The following PTPRU variants were observed in gnomAD, a reference collection of about 807,000 sequenced individuals.
PTPRU encodes the protein receptor-type tyrosine-protein phosphatase U.
Under a neutral mutation model 166.3 loss-of-function variants are expected in PTPRU, and 69 were observed. The ratio of observed to expected loss-of-function variants is 0.41; its 90% CI spans 0.34 to 0.51. The LOEUF is 0.51. Among genes scored for constraint, PTPRU ranks in the 20% least tolerant of loss-of-function variants. The pLI is 0.09. For synonymous variants in PTPRU, 793 were observed against 814.0 expected, an observed-to-expected ratio of 0.97 and a Z score of 0.44; for missense variants, 1,657 against 2,013.7, an observed-to-expected ratio of 0.82 and a Z score of 3.39.
At position 29,260,114 on chromosome 1, in the gene PTPRU, C is replaced by CGCGGGGGGGGG; in HGVS notation, c.850+70_850+71insGCGGGGGGGGG. The CGCGGGGGGGGG allele has an allele frequency of 7.8e-7, 1 of 1,281,978 alleles. No homozygotes were observed. Among genetic ancestry groups the CGCGGGGGGGGG allele is most frequent in the Non-Finnish European group, 1.0e-6 (1 of 1,002,650 alleles). 79.4% of individuals were successfully genotyped at this position (1,281,978 alleles called of 1,614,324 possible). ...GGGCGGGGCCGGCGACGGGGGCGGG[C>CGCGGGGGGGGG]TCTGCCCGGGGGCGTGGCCGTGGGG... On this transcript the variant is annotated intron_variant, in intron 6 of 29. Coordinates refer to ENST00000373779, the MANE Select transcript of PTPRU (RefSeq NM_133178.4). The surrounding 1 kb of genome is among the most constrained non-coding windows in gnomAD (Gnocchi z 8.3).
At chr1:29,310,268 AAG>A (rs1687586669) in intron 18 of PTPRU, among the ~76,000 whole-genome samples, 3 of 152,168 alleles carry the variant, frequency 2.0e-5, no homozygotes. Context: ...ACTGAGGAGT[AAG>A]GGGGAGGGGT....
At position 29,317,845 on chromosome 1, in the gene PTPRU, C is replaced by T. The variant is rs1472676297; in HGVS notation, c.3611C>T (p.Pro1204Leu). The change falls in exon 25 of 30, where the codon CCG becomes CTG. Residue 1204 changes from proline (P) to leucine (L), a missense_variant. Physicochemically the swap from Pro to Leu is moderately conservative, Grantham distance 98. Around this residue, in one of 3 missense-constraint regions of PTPRU, gnomAD observed 1,190 missense variants for 1,477.4 expected, o/e 0.81. Coordinates refer to ENST00000373779, the MANE Select transcript of PTPRU (RefSeq NM_133178.4). The surrounding 1 kb of genome is among the most constrained non-coding windows in gnomAD (Gnocchi z 5.6). ...AAGAACCGCAGCATGGACGTCCTGC[C>T]GCCCGACCGCTGCCTGCCCTTCCTC... The part of the protein sequence containing the change: ...RDKNRSMDVL[P>L]PDRCLPFLIS... The T allele has an allele frequency of 5.0e-6, 8 of 1,613,938 alleles. No individual in the cohort carries two copies. The highest frequency in any genetic ancestry group is 5.9e-6 in the Non-Finnish European group (7 of 1,180,026).
chr1:29,297,744 G>T (rs544163051), intron 15 of PTPRU, among the ~76,000 whole-genome samples: 18 of 152,192 alleles, frequency 1.2e-4, no homozygotes, highest in Non-Finnish European at 2.5e-4. Context: ...AGGAAACATG[G>T]GCTCTGCTCC....
In PTPRU at chr1:29,260,606, G is replaced by A. The variant is rs763035144; in HGVS notation, c.851-4G>A. The A allele has an allele frequency of 2.7e-6, 4 of 1,486,640 alleles. No homozygotes were observed. Among genetic ancestry groups the A allele is most frequent in the East Asian group, 2.5e-5 (1 of 39,694 alleles). 92.1% of individuals were successfully genotyped at this position (1,486,640 alleles called of 1,614,324 possible). A position where few individuals can be genotyped will look rare whatever the true frequency, so the allele number is the denominator to read the frequency against. ...CGCCTCGCCTCTCCCCCATCTCCTC[G>A]CAGAGCCCCCAACTCCCATCGCGCC... is the stretch of plus-strand genomic sequence containing the variant. On this transcript the variant is annotated splice_region_variant and splice_polypyrimidine_tract_variant and intron_variant, in intron 6 of 29. Coordinates refer to ENST00000373779, the MANE Select transcript of PTPRU (RefSeq NM_133178.4). The surrounding 1 kb of genome is among the most constrained non-coding windows in gnomAD (Gnocchi z 8.3).
rs1339606014 is a variant in PTPRU, at chr1:29,274,086, A to G, written c.1145-1362A>G. On this transcript the variant is annotated intron_variant, in intron 7 of 29. Coordinates refer to ENST00000373779, the MANE Select transcript of PTPRU (RefSeq NM_133178.4). ...CGCTCTGTTGCCCAGGCTAGAGTGC[A>G]GTGGCACAATCTCAGCTTACCGCAA... 3.3e-5 allele frequency among the ~76,000 whole-genome samples: 5 copies of G among 152,198 alleles called. 1 individual carries two copies. The highest frequency in any genetic ancestry group is 9.7e-5 in the African/African-American group (4 of 41,450).
Position 29,260,232 on chromosome 1 carries a change from T to C in PTPRU, c.850+188T>C. The C allele has an allele frequency of 1.5e-6, 1 of 665,538 alleles. No individual in the cohort carries two copies. 41.2% of individuals were successfully genotyped at this position (665,538 alleles called of 1,614,324 possible). ...GCCGGGATGAGATCTGATCTAGGGGTCGGGGCTGGCTTCGAGGGGGACGGA... is the reference window on the plus strand; with the variant it reads ...GCCGGGATGAGATCTGATCTAGGGGCCGGGGCTGGCTTCGAGGGGGACGGA... On this transcript the variant is annotated intron_variant, in intron 6 of 29. Coordinates refer to ENST00000373779, the MANE Select transcript of PTPRU (RefSeq NM_133178.4). The surrounding 1 kb of genome is among the most constrained non-coding windows in gnomAD (Gnocchi z 8.3).
rs1433860634 is a variant in PTPRU at position 29,292,038 on chromosome 1, G to C, written c.2476+12G>C. On this transcript the variant is annotated intron_variant, in intron 15 of 29. Coordinates refer to ENST00000373779, the MANE Select transcript of PTPRU (RefSeq NM_133178.4). ...CTACAGCACCCGGGGTGAGTGCCCGGCCCTCCTACCCCTTCTTCATGGCTC... is the reference window on the plus strand; with the variant it reads ...CTACAGCACCCGGGGTGAGTGCCCGCCCCTCCTACCCCTTCTTCATGGCTC... The C allele has an allele frequency of 2.5e-6, 4 of 1,613,624 alleles. No homozygotes were observed. In the East Asian group the frequency reaches 8.9e-5, roughly 36 times the overall value.
intron 14 of PTPRU, among the ~76,000 whole-genome samples, chr1:29,285,619 G>A (rs1385164789): frequency 6.6e-6 from 1 of 152,246 alleles, no homozygotes; most frequent in African/African-American, 2.4e-5. Flanking sequence ...TAGAGGCTCA[G>A]AGCCCCAGAA....
chr1:29,317,573 A>G lies in PTPRU; in HGVS notation c.3514-175A>G, dbSNP rs1687953977. 6.6e-6 allele frequency among the ~76,000 whole-genome samples: 1 copy of G among 152,196 alleles called. No individual in the cohort carries two copies. The highest frequency in any genetic ancestry group is 1.5e-5 in the Non-Finnish European group (1 of 68,028). The stretch of plus-strand genomic sequence containing the variant: ...GTCTCTAGAGCTCTATCCAGGCCCT[A>G]TAATGGCCTAGAGACAGGGAGTCTG... On this transcript the variant is annotated intron_variant, in intron 24 of 29. Coordinates refer to ENST00000373779, the MANE Select transcript of PTPRU (RefSeq NM_133178.4). The surrounding 1 kb of genome is among the most constrained non-coding windows in gnomAD (Gnocchi z 5.6).
chr1:29,256,354 C>T (rs991775789), intron 2 of PTPRU, among the ~76,000 whole-genome samples: 1 of 152,184 alleles, frequency 6.6e-6, no homozygotes, highest in Non-Finnish European at 1.5e-5. Flanking sequence ...GAGGACAAAT[C>T]AAATGGGCTT....
chr1:29,246,300 CT>C (rs1225489306), intron 1 of PTPRU, among the ~76,000 whole-genome samples: 1 of 152,242 alleles, frequency 6.6e-6, no homozygotes, highest in Non-Finnish European at 1.5e-5. Context: ...GGCTGGCGTC[CT>C]TTTCCAGGTT....
chr1:29,258,429 C>T (rs1684867181), intron 2 of PTPRU, 76 bp from the exon 3 acceptor site: 3 of 1,499,632 alleles, frequency 2.0e-6, no homozygotes, highest in Non-Finnish European at 2.7e-6. Flanking sequence ...GAGTCCTCCT[C>T]AGTGCTCCCC....
intron 18 of PTPRU, among the ~76,000 whole-genome samples, chr1:29,307,888 G>C (rs1263543009): frequency 6.7e-6 from 1 of 149,880 alleles, no homozygotes; most frequent in Non-Finnish European, 1.5e-5. Flanking sequence ...AGCCTCCCAA[G>C]TAGCTGGAAT....
chr1:29,247,910 C>T (rs980073123), intron 1 of PTPRU, among the ~76,000 whole-genome samples: 2 of 152,180 alleles, frequency 1.3e-5, no homozygotes, highest in Non-Finnish European at 2.9e-5. Flanking sequence ...CAGCCCTGGG[C>T]GATCTTTCTG....
Position 29,325,178 on chromosome 1 carries a change from A to C in PTPRU, c.4113-13A>C, listed in dbSNP as rs1463618490. ...CAAGGCCCCGCCCCTCAGCTTTTGCATCTCTCATTCAGAAACGGGGGAGGA... is the reference window on the plus strand; with the variant it reads ...CAAGGCCCCGCCCCTCAGCTTTTGCCTCTCTCATTCAGAAACGGGGGAGGA... On this transcript the variant is annotated splice_polypyrimidine_tract_variant and intron_variant, in intron 28 of 29. Coordinates refer to ENST00000373779, the MANE Select transcript of PTPRU (RefSeq NM_133178.4). The C allele has an allele frequency of 6.2e-7, 1 of 1,613,622 alleles. No individual in the cohort carries two copies. The highest frequency in any genetic ancestry group is 8.5e-7 in the Non-Finnish European group (1 of 1,179,930).
In PTPRU at chr1:29,275,455, G is replaced by A. The variant is rs567419585; in HGVS notation, c.1152G>A (p.Met384Ile). The A allele has an allele frequency of 4.3e-6, 7 of 1,612,654 alleles. No homozygotes were observed. In the African/African-American group the frequency reaches 8.0e-5, roughly 18 times the overall value. ...LISRTKCAEP[M>I]RAPKGLAFAE... ...GCTTCCTGCATTCTCCAGAGCCCAT[G>A]AGGGCCCCCAAAGGCCTGGCTTTTG... The change falls in exon 8 of 30, where the codon ATG becomes ATA. Residue 384 changes from methionine to isoleucine, a missense_variant. By Grantham distance (10) the Met-to-Ile change is conservative. Around this residue, in one of 3 missense-constraint regions of PTPRU, gnomAD observed 1,190 missense variants for 1,477.4 expected, o/e 0.81. Coordinates refer to ENST00000373779, the MANE Select transcript of PTPRU (RefSeq NM_133178.4).
chr1:29,317,678 T>G lies in PTPRU; in HGVS notation c.3514-70T>G. On this transcript the variant is annotated intron_variant, in intron 24 of 29. Transcript: ENST00000373779. This position sits in a 1 kb window ranked among gnomAD's most constrained non-coding sequence, Gnocchi z 5.6. ...GGATTAGTAACTCAGTCCAGCCTCC[T>G]TCATGGGGATGTGAGGAGGCCCAGC... 6.8e-7 allele frequency: 1 copy of G among 1,476,312 alleles called. No homozygotes were observed. Among genetic ancestry groups the G allele is most frequent in the East Asian group, 2.3e-5 (1 of 44,024 alleles). The allele number at this position is 1,476,312 out of a possible 1,614,324, so 91.5% of individuals were successfully genotyped here.
chr1:29,312,746 C>T (rs1401578319), intron 22 of PTPRU, 40 bp downstream of exon 22: 1 of 1,573,818 alleles, frequency 6.4e-7, no homozygotes, highest in Non-Finnish European at 8.7e-7. Flanking sequence ...AGGGGCCCTT[C>T]TCCCTGGGAA....
At position 29,326,054 on chromosome 1, in the gene PTPRU, C is replaced by G. The variant is rs1688396984; in HGVS notation, c.*393C>G. On this transcript the variant is annotated 3_prime_UTR_variant, in exon 30 of 30. Coordinates refer to ENST00000373779, the MANE Select transcript of PTPRU (RefSeq NM_133178.4). ...GAGGCCCTGCAGAGAGCATCCCAGG[C>G]CAAGGTTCCCACTCAGCCTGCCCCC... 2.5e-6 allele frequency: 1 copy of G among 403,614 alleles called. No homozygotes were observed. Among genetic ancestry groups the G allele is most frequent in the African/African-American group, 2.1e-5 (1 of 48,638 alleles). 25.0% of individuals were successfully genotyped at this position (403,614 alleles called of 1,614,324 possible). A position where few individuals can be genotyped will look rare whatever the true frequency, so the allele number is the denominator to read the frequency against.
Sources: allele counts gnomAD v4.1 joint callset (sites outside exome capture counted in the v4.1 genomes callset), GRCh38; gene constraint gnomAD v4.1.1; regional missense constraint gnomAD v4.1.1; non-coding constraint Gnocchi (gnomAD v3.1); transcripts MANE v1.5; gene names NCBI Gene and HGNC (gene_info 2026-07-23, HGNC 2026-07-21).